The following CFAP141 variants were observed in gnomAD, a reference collection of about 807,000 sequenced individuals.
CFAP141 encodes cilia- and flagella-associated protein 141.
At chr1:154,206,180 T>A in the CFAP141 span, 1 of 1,187,818 alleles carries the variant, frequency 8.4e-7, no homozygotes, top group East Asian at 2.3e-5. Context: ...CCTTGTTACA[T>A]CAAAAGCCTT....
the CFAP141 span, chr1:154,199,298 G>A: frequency 1.1e-5 from 7 of 610,870 alleles, no homozygotes; most frequent in Middle Eastern, 3.7e-4. Context: ...GAGTGGAAGT[G>A]CTGTCTTAAG....
At chr1:154,203,040 G>A in the CFAP141 span, among the ~76,000 whole-genome samples, 1 of 147,812 alleles carries the variant, frequency 6.8e-6, no homozygotes, top group South Asian at 2.2e-4. Flanking sequence ...AGAATCACTT[G>A]AACCCAGGAG....
the CFAP141 span, among the ~76,000 whole-genome samples, chr1:154,204,228 AAATTTT>A: frequency 6.2e-4 from 95 of 152,320 alleles, 1 homozygote; most frequent in African/African-American, 2.2e-3. Context: ...ATGTAAATTT[AAATTTT>A]GATAGATTTT....
the CFAP141 span, among the ~76,000 whole-genome samples, chr1:154,205,096 C>G: frequency 6.6e-6 from 1 of 151,990 alleles, no homozygotes; most frequent in Non-Finnish European, 1.5e-5. Flanking sequence ...GTTGCCTAGG[C>G]TGGTCTTGAA....
chr1:154,206,266 T>C, the CFAP141 span: 1 of 1,613,928 alleles, frequency 6.2e-7, no homozygotes, highest in Non-Finnish European at 8.5e-7. Context: ...TCCTTCCAAC[T>C]CTGCATACCT....
the CFAP141 span, among the ~76,000 whole-genome samples, chr1:154,204,285 T>G: frequency 6.6e-6 from 1 of 152,204 alleles, no homozygotes; most frequent in Non-Finnish European, 1.5e-5. Flanking sequence ...CAACCTAGAC[T>G]CCTATTAAAA....
the CFAP141 span, chr1:154,205,726 CAG>C: frequency 1.3e-5 from 16 of 1,239,896 alleles, no homozygotes; most frequent in East Asian, 1.2e-4. Context: ...TTTTTTGAGA[CAG>C]AGTTTTGCTC....
the CFAP141 span, among the ~76,000 whole-genome samples, chr1:154,204,078 C>T: frequency 5.3e-5 from 8 of 151,698 alleles, no homozygotes; most frequent in African/African-American, 9.7e-5. Context: ...GCAACAAGAG[C>T]GAAACTCCAT....
the CFAP141 span, chr1:154,199,504 G>C: frequency 6.2e-7 from 1 of 1,613,270 alleles, no homozygotes; most frequent in Non-Finnish European, 8.5e-7. Context: ...TTTTCAAACA[G>C]CTGGTGCAGG....
chr1:154,205,480 T>C, the CFAP141 span: 2 of 926,144 alleles, frequency 2.2e-6, no homozygotes, highest in Non-Finnish European at 1.8e-6. Flanking sequence ...CTTCCGCATC[T>C]GTTTTCCTCT....
chr1:154,199,299 CTG>C, the CFAP141 span: 11 of 610,208 alleles, frequency 1.8e-5, 1 homozygote, highest in African/African-American at 2.0e-4. Context: ...AGTGGAAGTG[CTG>C]TCTTAAGTCC....
chr1:154,204,763 T>C, the CFAP141 span, among the ~76,000 whole-genome samples: 3 of 151,992 alleles, frequency 2.0e-5, no homozygotes, highest in Admixed American at 1.3e-4. Context: ...GGTTTTCCTA[T>C]GTTGCCCAGG....
At chr1:154,202,677 T>C in the CFAP141 span, among the ~76,000 whole-genome samples, 3 of 151,618 alleles carry the variant, frequency 2.0e-5, 1 homozygote, top group Admixed American at 2.0e-4. Context: ...GGCGGGTGCC[T>C]GTAGTCCCAG....
the CFAP141 span, chr1:154,200,506 C>T: frequency 4.3e-6 from 7 of 1,614,196 alleles, no homozygotes; most frequent in Non-Finnish European, 5.9e-6. Flanking sequence ...ACCATGGTGT[C>T]CTGCATCCTT....
the CFAP141 span, chr1:154,205,659 G>A: frequency 1.2e-6 from 2 of 1,611,084 alleles, no homozygotes; most frequent in East Asian, 2.2e-5. Flanking sequence ...AGGTAGTTCT[G>A]TTGATCTGCC....
At chr1:154,200,715 T>G in the CFAP141 span, 1 of 1,102,458 alleles carries the variant, frequency 9.1e-7, no homozygotes, top group Non-Finnish European at 1.3e-6. Context: ...AGAGTTTCAC[T>G]CTTGTTGCCC....
chr1:154,206,118 C>T, the CFAP141 span, among the ~76,000 whole-genome samples: 2 of 152,154 alleles, frequency 1.3e-5, no homozygotes, highest in South Asian at 4.1e-4. Context: ...TATTTGAATA[C>T]CTACTGTGTA....
chr1:154,202,158 G>C, the CFAP141 span, among the ~76,000 whole-genome samples: 1 of 151,912 alleles, frequency 6.6e-6, no homozygotes, highest in Non-Finnish European at 1.5e-5. Flanking sequence ...GGCTGGTCTT[G>C]AACTCCTGAC....
chr1:154,203,850 C>T, the CFAP141 span, among the ~76,000 whole-genome samples: 8 of 152,176 alleles, frequency 5.3e-5, no homozygotes, highest in African/African-American at 1.7e-4. Flanking sequence ...CAAGGCAGGC[C>T]GATTACTTGA....
Sources: allele counts gnomAD v4.1 joint callset (sites outside exome capture counted in the v4.1 genomes callset), GRCh38; gene constraint gnomAD v4.1.1; transcripts MANE v1.5; gene names NCBI Gene and HGNC (gene_info 2026-07-23, HGNC 2026-07-21).